The following RPL3 variants were observed in gnomAD, a reference collection of about 807,000 sequenced individuals.
RPL3 encodes the protein large ribosomal subunit protein uL3.
Under a neutral mutation model 46.0 loss-of-function variants are expected in RPL3, and 3 were observed. The observed-to-expected ratio is 0.07, with a 90% CI of 0.03 to 0.17. RPL3 has a LOEUF of 0.17. RPL3 is among the 10% of genes least tolerant of loss of function. The probability of loss-of-function intolerance (pLI) is 1.00; values close to 1 mark genes in which losing one functional copy is unlikely to be tolerated. For missense variants in RPL3, 387 were observed against 532.7 expected (o/e 0.73, Z 2.69); for synonymous variants, 224 against 190.8 (o/e 1.17, Z -1.43).
At chr22:39,315,588 T>C in intron 4 of RPL3, 33 bp from the exon 5 acceptor site, 1 of 1,611,226 alleles carries the variant, frequency 6.2e-7, no homozygotes, top group Non-Finnish European at 8.5e-7. Flanking sequence ...CAGCTCCAGC[T>C]GCCAGCGCTC....
chr22:39,314,428 C>T (rs1228545114), intron 6 of RPL3: 3 of 627,692 alleles, frequency 4.8e-6, no homozygotes, highest in South Asian at 2.0e-5. Flanking sequence ...ACAGGCCTGT[C>T]ACCCCCCTGG....
intron 1 of RPL3, chr22:39,319,356 C>T: frequency 1.6e-6 from 1 of 617,766 alleles, no homozygotes. Context: ...GCCTCCAAGC[C>T]TGCTCCCACC....
At chr22:39,313,974 C>T (rs755277738) in intron 7 of RPL3, 133 bp downstream of exon 7, 106 of 871,154 alleles carry the variant, frequency 1.2e-4, no homozygotes, top group Non-Finnish European at 1.5e-4. Flanking sequence ...GACAACATGC[C>T]ACTTACAAGG....
In RPL3 at chr22:39,314,161, G is replaced by C; in HGVS notation, c.897C>G (p.Ile299Met). ...QGYLIKDGKL[I>M]KNNASTDYDL... ...CATAGTCAGTGGAGGCATTGTTCTT[G>C]ATCAGCTTGCCGTCCTTGATAAGGT... The change falls in exon 7 of 10, where the codon ATC (isoleucine) becomes ATG (methionine). Residue 299 changes from isoleucine to methionine, a missense_variant. Physicochemically the swap from Ile to Met is conservative, Grantham distance 10 (BLOSUM62 1). Around this residue, in one of 5 missense-constraint regions of RPL3, gnomAD observed 131 missense variants for 185.1 expected, o/e 0.71. Coordinates refer to ENST00000216146, the MANE Select transcript of RPL3 (RefSeq NM_000967.4). The C allele has an allele frequency of 6.2e-7, 1 of 1,613,580 alleles. No homozygotes were observed. The highest frequency in any genetic ancestry group is 8.5e-7 in the Non-Finnish European group (1 of 1,180,032).
At chr22:39,316,559 T>C (rs927762962) in intron 4 of RPL3, 147 bp downstream of exon 4, 5 of 982,776 alleles carry the variant, frequency 5.1e-6, no homozygotes, top group Admixed American at 4.8e-5. Flanking sequence ...GGGGAATGGT[T>C]CCCTTGCTAA....
intron 3 of RPL3, 144 bp downstream of exon 3, chr22:39,317,317 A>G: frequency 1.1e-6 from 1 of 910,158 alleles, no homozygotes; most frequent in Admixed American, 2.8e-5. Context: ...GTCTGATCCC[A>G]GGTATTTTTC....
At position 39,318,486 on chromosome 22, in the gene RPL3, G is replaced by A. The variant is rs147933419; in HGVS notation, c.110C>T (p.Pro37Leu). ...GGCTGTGAGGTGGACCGGCTTGGAC[G>A]GGTCATCCTTAGGGAAGCTCTTCAC... ...GKVKSFPKDD[P>L]SKPVHLTAFL... is the part of the protein sequence containing the mutation. Residue 37 changes from proline (P) to leucine (L), a missense_variant, in exon 2 of 10, where the codon CCG becomes CTG. Physicochemically the swap from Pro to Leu is moderately conservative, Grantham distance 98. Coordinates refer to ENST00000216146, the MANE Select transcript of RPL3 (RefSeq NM_000967.4). 8.6e-5 allele frequency: 139 copies of A among 1,613,794 alleles called. No homozygotes were observed. The highest frequency in any genetic ancestry group is 2.1e-4 in the African/African-American group (16 of 74,880).
chr22:39,315,084 G>A (rs969936999), intron 5 of RPL3: 25 of 703,936 alleles, frequency 3.6e-5, no homozygotes, highest in African/African-American at 2.8e-4. Flanking sequence ...CCCATTCACA[G>A]GGACTGACTA....
chr22:39,314,525 AATC>A lies in RPL3; in HGVS notation c.849+158_849+160del, dbSNP rs1166063663. ...CCACTCTACAGGATGGCACCTTACAAATCATCAAGATGGGCCAGAACTGACCAT... is the reference window on the plus strand; with the variant it reads ...CCACTCTACAGGATGGCACCTTACAAATCAAGATGGGCCAGAACTGACCAT... On this transcript the variant is annotated intron_variant, in intron 6 of 9. Coordinates refer to ENST00000216146, the MANE Select transcript of RPL3 (RefSeq NM_000967.4). 2.9e-5 allele frequency: 26 copies of A among 899,252 alleles called. No homozygotes were observed. The South Asian group carries it at 3.5e-4, about 12-fold the overall frequency. 55.7% of individuals were successfully genotyped at this position (899,252 alleles called of 1,614,324 possible). A position where few individuals can be genotyped will look rare whatever the true frequency, so the allele number is the denominator to read the frequency against.
At position 39,312,991 on chromosome 22, in the gene RPL3, G is replaced by A. The variant is rs1569158654; in HGVS notation, c.1168-7C>T. On this transcript the variant is annotated splice_region_variant and splice_polypyrimidine_tract_variant and intron_variant, in intron 9 of 9. Transcript: ENST00000216146. The stretch of plus-strand genomic sequence containing the variant: ...GGTCTTTCTTCAGTGGTCCCTGTGG[G>A]GAGAGAGGCAGTGGTCAGAGGTAGA... 1.2e-6 allele frequency: 2 copies of A among 1,614,132 alleles called. No individual in the cohort carries two copies. Among genetic ancestry groups the A allele is most frequent in the Admixed American group, 1.7e-5 (1 of 60,022 alleles).
chr22:39,313,448 A>G (rs986072546), intron 8 of RPL3, 138 bp from the exon 9 acceptor site: 53 of 1,426,978 alleles, frequency 3.7e-5, no homozygotes, highest in Non-Finnish European at 4.8e-5. Flanking sequence ...GGACACACTC[A>G]AAGCAGCAAA....
chr22:39,316,093 G>A (rs1922669545), intron 4 of RPL3, among the ~76,000 whole-genome samples: 1 of 152,310 alleles, frequency 6.6e-6, no homozygotes, highest in African/African-American at 2.4e-5. Context: ...TACAAAATTA[G>A]TAGGGCGTGG....
intron 2 of RPL3, chr22:39,318,177 A>G (rs1377945197): frequency 1.9e-6 from 1 of 534,572 alleles, no homozygotes; most frequent in African/African-American, 2.0e-5. Context: ...TCTGAAATCA[A>G]TACCCCACAC....
At chr22:39,314,392 T>C in intron 6 of RPL3, 184 bp from the exon 7 acceptor site, 1 of 645,552 alleles carries the variant, frequency 1.5e-6, no homozygotes. Flanking sequence ...GCGGCTGGGC[T>C]AAAACTAAAG....
Position 39,315,569 on chromosome 22 carries a change from G to A in RPL3, c.502-14C>T. On this transcript the variant is annotated splice_polypyrimidine_tract_variant and intron_variant, in intron 4 of 9. Transcript: ENST00000216146. ...AAGCAGGCGCATCTAGGAGAAGGTA[G>A]ACACAGCTCAGCTCCAGCTGCCAGC... 3 of 1,613,424 alleles carry A rather than the reference G, an allele frequency of 1.9e-6. No individual in the cohort carries two copies. Among genetic ancestry groups the A allele is most frequent in the East Asian group, 2.2e-5 (1 of 44,870 alleles).
chr22:39,317,059 C>T, intron 3 of RPL3: 1 of 677,988 alleles, frequency 1.5e-6, no homozygotes. Context: ...AAGTTACACG[C>T]ATTCAAACAA....
chr22:39,313,597 C>A, intron 8 of RPL3, 37 bp downstream of exon 8: 1 of 1,596,092 alleles, frequency 6.3e-7, no homozygotes, highest in Non-Finnish European at 8.6e-7. Context: ...CCTCCCTCTA[C>A]AAGAGCCCCC....
intron 7 of RPL3, 164 bp downstream of exon 7, chr22:39,313,943 C>T (rs1157103353): frequency 1.2e-6 from 1 of 837,058 alleles, no homozygotes; most frequent in Admixed American, 1.7e-5. Flanking sequence ...CACCAGCCAA[C>T]CCCGACGAGT....
chr22:39,316,930 C>T (rs753531201), intron 3 of RPL3, 89 bp from the exon 4 acceptor site: 4 of 1,600,458 alleles, frequency 2.5e-6, no homozygotes, highest in East Asian at 4.5e-5. Flanking sequence ...ACTGGCACCG[C>T]GTGGGGATGG....
Sources: gnomAD v4.1 joint callset for allele counts (sites outside exome capture counted in the v4.1 genomes callset) on GRCh38, gnomAD v4.1.1 for gene constraint, gnomAD v4.1.1 regional missense constraint, MANE v1.5 for transcripts, NCBI Gene and HGNC (gene_info 2026-07-23, HGNC 2026-07-21) for gene names.